The following QTMAN variants were observed in gnomAD, a reference collection of about 807,000 sequenced individuals.
The protein encoded by QTMAN is tRNA-queuosine alpha-mannosyltransferase.
the QTMAN span, among the ~76,000 whole-genome samples, chr2:143,974,483 C>T: frequency 1.3e-5 from 2 of 151,972 alleles, no homozygotes; most frequent in Non-Finnish European, 2.9e-5. Context: ...ATATATGATG[C>T]AATACCATGC....
chr2:144,074,417 TA>T, the QTMAN span, among the ~76,000 whole-genome samples: 1 of 152,202 alleles, frequency 6.6e-6, no homozygotes, highest in African/African-American at 2.4e-5. Flanking sequence ...CTATGCAAAC[TA>T]AAGAACACAG....
chr2:144,184,494 A>C, the QTMAN span, among the ~76,000 whole-genome samples: 8 of 152,202 alleles, frequency 5.3e-5, no homozygotes, highest in African/African-American at 1.9e-4. Context: ...ATTCTTCAAC[A>C]AAAGGCTTAG....
At chr2:144,144,347 T>C in the QTMAN span, among the ~76,000 whole-genome samples, 1 of 151,888 alleles carries the variant, frequency 6.6e-6, no homozygotes, top group Non-Finnish European at 1.5e-5. Context: ...GTAACTTCCA[T>C]TAACTTTAAA....
chr2:144,239,639 A>G, the QTMAN span, among the ~76,000 whole-genome samples: 22 of 152,180 alleles, frequency 1.4e-4, no homozygotes, highest in African/African-American at 5.3e-4. Flanking sequence ...TGCTCAGAAG[A>G]CAGAACTTTT....
At chr2:144,155,812 G>C in the QTMAN span, among the ~76,000 whole-genome samples, 1 of 151,728 alleles carries the variant, frequency 6.6e-6, no homozygotes, top group East Asian at 1.9e-4. Context: ...ATTTAGGCTT[G>C]AATATTATGA....
chr2:144,205,392 A>G, the QTMAN span, among the ~76,000 whole-genome samples: 2 of 152,332 alleles, frequency 1.3e-5, no homozygotes, highest in African/African-American at 4.8e-5. Flanking sequence ...CTTTGCTGGA[A>G]GAACTCCCAG....
chr2:144,253,829 G>A, the QTMAN span, among the ~76,000 whole-genome samples: 1 of 152,066 alleles, frequency 6.6e-6, no homozygotes. Context: ...GTAACAAGGA[G>A]CCAAATGCTA....
chr2:144,245,886 G>A, the QTMAN span, among the ~76,000 whole-genome samples: 1 of 152,148 alleles, frequency 6.6e-6, no homozygotes, highest in Non-Finnish European at 1.5e-5. Flanking sequence ...CCCTCTCCCA[G>A]TAGATTAGTT....
At chr2:144,182,842 ATATATATATTT>A in the QTMAN span, among the ~76,000 whole-genome samples, 834 of 61,564 alleles carry the variant, frequency 0.014, 18 homozygotes, top group African/African-American at 0.046. Flanking sequence ...TATATATATT[ATATATATATTT>A]TATATATAAT....
the QTMAN span, chr2:144,141,924 C>T: frequency 1.2e-6 from 2 of 1,611,578 alleles, no homozygotes; most frequent in African/African-American, 1.3e-5. Flanking sequence ...AATAACTTGG[C>T]ACTTGGGTCT....
the QTMAN span, among the ~76,000 whole-genome samples, chr2:144,158,028 C>G: frequency 0.046 from 6,933 of 151,966 alleles, 527 homozygotes; most frequent in African/African-American, 0.16. Context: ...TATTATTATT[C>G]CTTTTTAAGA....
the QTMAN span, among the ~76,000 whole-genome samples, chr2:144,310,925 A>G: frequency 6.6e-6 from 1 of 152,158 alleles, no homozygotes. Flanking sequence ...TGGCAAGTAA[A>G]TCACTGGATA....
chr2:144,031,874 A>G, the QTMAN span, among the ~76,000 whole-genome samples: 6 of 152,222 alleles, frequency 3.9e-5, no homozygotes, highest in African/African-American at 1.4e-4. Context: ...CTCCTGCCTC[A>G]GCCTCCCGAG....
chr2:144,234,506 A>C, the QTMAN span, among the ~76,000 whole-genome samples: 2 of 152,196 alleles, frequency 1.3e-5, no homozygotes, highest in Non-Finnish European at 2.9e-5. Context: ...TTTTACACTA[A>C]GCTCAGCATC....
At chr2:144,040,736 A>C in the QTMAN span, among the ~76,000 whole-genome samples, 1 of 152,230 alleles carries the variant, frequency 6.6e-6, no homozygotes, top group Non-Finnish European at 1.5e-5. Context: ...GAGACTAAAA[A>C]GGGAGACTTC....
the QTMAN span, among the ~76,000 whole-genome samples, chr2:144,228,534 T>A: frequency 1.3e-5 from 2 of 152,114 alleles, no homozygotes; most frequent in Admixed American, 6.6e-5. Flanking sequence ...CACATATAAG[T>A]AAATAGCTGA....
the QTMAN span, among the ~76,000 whole-genome samples, chr2:144,197,484 T>C: frequency 4.3e-4 from 65 of 152,260 alleles, 1 homozygote; most frequent in East Asian, 0.011. Flanking sequence ...ACTGAGCCAA[T>C]GTAATGAGTA....
chr2:144,136,450 G>C, the QTMAN span, among the ~76,000 whole-genome samples: 2 of 127,866 alleles, frequency 1.6e-5, no homozygotes, highest in African/African-American at 5.9e-5. Context: ...GAAAGGAAAG[G>C]AGAAAGGAGG....
chr2:143,986,332 G>A, the QTMAN span, among the ~76,000 whole-genome samples: 2 of 152,192 alleles, frequency 1.3e-5, no homozygotes, highest in African/African-American at 4.8e-5. Context: ...TTCGATGGAG[G>A]AGAGCTGAGC....
Sources: allele counts gnomAD v4.1 joint callset (sites outside exome capture counted in the v4.1 genomes callset), GRCh38; gene constraint gnomAD v4.1.1; transcripts MANE v1.5; gene names NCBI Gene and HGNC (gene_info 2026-07-23, HGNC 2026-07-21).